The following TENM2 variants were observed in gnomAD, a reference collection of about 807,000 sequenced individuals.
The protein encoded by TENM2 is teneurin transmembrane protein 2.
In TENM2, 52 loss-of-function variants were observed where a neutral mutation model predicts 245.2. The observed-to-expected ratio is 0.21, with a 90% confidence interval of 0.17 to 0.27. The LOEUF is 0.27. Ranked by LOEUF, TENM2 falls within the 10% of genes least tolerant of loss-of-function variation. The pLI is 1.00. For missense variants in TENM2, 3,046 were observed against 3,666.8 expected (o/e 0.83, Z 4.37); for synonymous variants, 1,363 against 1,438.9 (o/e 0.95, Z 1.19).
chr5:167,372,141 T>C (rs1001720296), intron 1 of TENM2, among the ~76,000 whole-genome samples: 1 of 152,156 alleles, frequency 6.6e-6, no homozygotes, highest in African/African-American at 2.4e-5. Context: ...TATATACCAA[T>C]GTAAACATAC....
intron 2 of TENM2, among the ~76,000 whole-genome samples, chr5:167,598,051 A>C (rs548551590): frequency 6.6e-6 from 1 of 152,316 alleles, no homozygotes; most frequent in African/African-American, 2.4e-5. Flanking sequence ...AGTCAGAGAG[A>C]TTGGTCCACG....
chr5:168,255,048 A>G (rs1562343337), intron 27 of TENM2, among the ~76,000 whole-genome samples: 3 of 147,942 alleles, frequency 2.0e-5, no homozygotes, highest in Non-Finnish European at 3.0e-5. Flanking sequence ...CGCTGTCTCA[A>G]AAAAAAAAAA....
At chr5:168,205,949 T>A (rs1224377236) in intron 19 of TENM2, among the ~76,000 whole-genome samples, 1 of 152,132 alleles carries the variant, frequency 6.6e-6, no homozygotes, top group Non-Finnish European at 1.5e-5. Flanking sequence ...ATTGGGGCAA[T>A]GGTGATTTGA....
At chr5:167,865,059 T>C (rs1474590354) in intron 2 of TENM2, among the ~76,000 whole-genome samples, 1 of 152,164 alleles carries the variant, frequency 6.6e-6, no homozygotes, top group African/African-American at 2.4e-5. Context: ...ACTAAGCTCT[T>C]ACAAAATAGA....
the TENM2 span, among the ~76,000 whole-genome samples, chr5:167,088,571 G>A: frequency 6.6e-6 from 1 of 151,720 alleles, no homozygotes; most frequent in Admixed American, 6.6e-5. Context: ...AGGTTGCAGT[G>A]AGCAGAGATC....
At chr5:167,740,595 G>A (rs1236475914) in intron 2 of TENM2, among the ~76,000 whole-genome samples, 1 of 151,902 alleles carries the variant, frequency 6.6e-6, no homozygotes, top group Non-Finnish European at 1.5e-5. Flanking sequence ...CTGTTCTTTT[G>A]TATCCCGCGT....
intron 2 of TENM2, among the ~76,000 whole-genome samples, chr5:167,632,451 C>G (rs1457282899): frequency 6.6e-6 from 1 of 152,174 alleles, no homozygotes. Context: ...CTACTCAGCA[C>G]TACATATTAA....
At chr5:167,747,510 A>G (rs1043687106) in intron 2 of TENM2, among the ~76,000 whole-genome samples, 10 of 152,222 alleles carry the variant, frequency 6.6e-5, no homozygotes, top group Admixed American at 6.5e-4. Context: ...TCTCAAAGAT[A>G]TGCCTCTGGG....
At chr5:167,127,314 C>T in the TENM2 span, among the ~76,000 whole-genome samples, 1 of 152,036 alleles carries the variant, frequency 6.6e-6, no homozygotes, top group Non-Finnish European at 1.5e-5. Flanking sequence ...CGCAGCTTTC[C>T]CAACACTAAT....
the TENM2 span, among the ~76,000 whole-genome samples, chr5:167,009,560 G>C: frequency 6.6e-6 from 1 of 152,130 alleles, no homozygotes; most frequent in Admixed American, 6.5e-5. Context: ...TGATAGAATC[G>C]TTGAATGGCA....
intron 1 of TENM2, among the ~76,000 whole-genome samples, chr5:167,321,600 C>T (rs531376645): frequency 6.6e-6 from 1 of 152,138 alleles, no homozygotes; most frequent in Admixed American, 6.5e-5. Context: ...AGGTGGTTTG[C>T]TAAGGTAGAA....
At chr5:167,589,775 A>T (rs1324767690) in intron 2 of TENM2, among the ~76,000 whole-genome samples, 1 of 152,016 alleles carries the variant, frequency 6.6e-6, no homozygotes, top group Non-Finnish European at 1.5e-5. Context: ...ATTAAATAGC[A>T]CTCAAAAACT....
intron 2 of TENM2, among the ~76,000 whole-genome samples, chr5:167,415,718 C>T (rs1477135366): frequency 6.6e-6 from 1 of 151,808 alleles, no homozygotes; most frequent in Non-Finnish European, 1.5e-5. Flanking sequence ...TGAAGTTTTT[C>T]AACTGAAACC....
chr5:167,543,928 T>G (rs1772384436), intron 2 of TENM2, among the ~76,000 whole-genome samples: 1 of 152,188 alleles, frequency 6.6e-6, no homozygotes, highest in African/African-American at 2.4e-5. Context: ...ATGGCTATGT[T>G]TACTAATCCA....
chr5:168,263,304 C>A (rs1394997446), downstream of TENM2: 1 of 155,472 alleles, frequency 6.4e-6, no homozygotes, highest in African/African-American at 2.4e-5. Flanking sequence ...CCGCGAGGGC[C>A]AGCGTCACCA....
chr5:167,429,732 G>A (rs777533060), intron 2 of TENM2, among the ~76,000 whole-genome samples: 27 of 150,902 alleles, frequency 1.8e-4, no homozygotes, highest in Admixed American at 8.0e-4. Context: ...TCAGCCTCCT[G>A]AGTAGCTGGG....
chr5:167,677,681 A>C (rs962340818), intron 2 of TENM2, among the ~76,000 whole-genome samples: 15 of 150,364 alleles, frequency 1.0e-4, no homozygotes, highest in African/African-American at 3.4e-4. Context: ...TTAGTTCCAA[A>C]ATATGGTTTA....
At chr5:167,201,791 T>C in the TENM2 span, among the ~76,000 whole-genome samples, 2 of 152,200 alleles carry the variant, frequency 1.3e-5, no homozygotes, top group East Asian at 1.9e-4. Flanking sequence ...CTATGAATAA[T>C]ACACAGTGTC....
chr5:168,230,403 T>C (rs1431330651), intron 25 of TENM2, among the ~76,000 whole-genome samples: 2 of 152,214 alleles, frequency 1.3e-5, no homozygotes, highest in Non-Finnish European at 2.9e-5. Flanking sequence ...GTAAACTGTT[T>C]AGTGAATGAA....
Sources: gnomAD v4.1 joint callset for allele counts (sites outside exome capture counted in the v4.1 genomes callset) on GRCh38, gnomAD v4.1.1 for gene constraint, MANE v1.5 for transcripts, NCBI Gene and HGNC (gene_info 2026-07-23, HGNC 2026-07-21) for gene names.